LARGE1: variants seen among roughly 807,000 people sequenced by gnomAD.
The protein encoded by LARGE1 is LARGE xylosyl- and glucuronyltransferase 1.
A neutral mutation model predicts 87.6 loss-of-function variants in LARGE1; 43 were observed. The ratio of observed to expected loss-of-function variants is 0.49; its 90% confidence interval spans 0.38 to 0.63. LARGE1 has a LOEUF of 0.63. Among genes scored for constraint, LARGE1 ranks in the 30% least tolerant of loss-of-function variants. The pLI is 0.00. For missense variants in LARGE1, 802 were observed against 1,000.2 expected (o/e 0.80, Z 2.67); for synonymous variants, 434 against 394.6 (o/e 1.10, Z -1.18).
intron 5 of LARGE1, among the ~76,000 whole-genome samples, chr22:33,598,376 G>A (rs894644086): frequency 6.6e-6 from 1 of 152,120 alleles, no homozygotes; most frequent in Non-Finnish European, 1.5e-5. Flanking sequence ...TGAAGTAAAT[G>A]ATTCTTTATT....
chr22:33,193,347 A>G (rs7285196), intron 11 of LARGE1, among the ~76,000 whole-genome samples: 34,895 of 152,154 alleles, frequency 0.23, 4,235 homozygotes, highest in Middle Eastern at 0.35. Flanking sequence ...GAGAAAAGCA[A>G]AAAGAGAGAC....
At chr22:33,711,266 A>T (rs535639754) in intron 2 of LARGE1, among the ~76,000 whole-genome samples, 1 of 152,302 alleles carries the variant, frequency 6.6e-6, no homozygotes, top group African/African-American at 2.4e-5. Flanking sequence ...CGAAGCGTCC[A>T]GGGGGTCTGC....
chr22:33,594,421 A>T (rs1364573622), intron 5 of LARGE1, among the ~76,000 whole-genome samples: 1 of 151,792 alleles, frequency 6.6e-6, no homozygotes, highest in Non-Finnish European at 1.5e-5. Flanking sequence ...TCACTCCTCA[A>T]CTCTAGCCTT....
intron 11 of LARGE1, among the ~76,000 whole-genome samples, chr22:33,197,877 T>C (rs986622952): frequency 1.4e-4 from 21 of 151,260 alleles, no homozygotes; most frequent in African/African-American, 4.9e-4. Flanking sequence ...ACTATAACTC[T>C]ATAGCAATCA....
chr22:33,540,164 T>C (rs992957315), intron 6 of LARGE1, among the ~76,000 whole-genome samples: 2 of 152,134 alleles, frequency 1.3e-5, no homozygotes, highest in Admixed American at 1.3e-4. Flanking sequence ...AGTAACCACA[T>C]TGCCAACTAC....
intron 6 of LARGE1, among the ~76,000 whole-genome samples, chr22:33,440,098 A>G (rs1247695975): frequency 6.6e-6 from 1 of 152,178 alleles, no homozygotes; most frequent in Non-Finnish European, 1.5e-5. Flanking sequence ...AGCCACAGAA[A>G]TGTTTTGAAA....
At chr22:33,535,403 T>C (rs978615626) in intron 6 of LARGE1, among the ~76,000 whole-genome samples, 26 of 151,878 alleles carry the variant, frequency 1.7e-4, no homozygotes, top group African/African-American at 5.8e-4. Context: ...ATTTGCTGGA[T>C]GTGGTGGCAG....
intron 10 of LARGE1, chr22:33,320,856 G>C (rs1469025947): frequency 6.6e-6 from 1 of 152,256 alleles, no homozygotes; most frequent in African/African-American, 2.4e-5. Context: ...CAGAGCCCCC[G>C]GTGAGTCACT....
At chr22:33,705,272 A>C (rs2082527631) in intron 2 of LARGE1, among the ~76,000 whole-genome samples, 1 of 152,156 alleles carries the variant, frequency 6.6e-6, no homozygotes, top group African/African-American at 2.4e-5. Context: ...ATTCTTGCAG[A>C]GTCTGTTCCA....
intron 6 of LARGE1, among the ~76,000 whole-genome samples, chr22:33,464,905 ACATACACATG>A (rs2068536820): frequency 1.4e-5 from 2 of 141,236 alleles, no homozygotes; most frequent in African/African-American, 6.3e-5. Context: ...ACACACACAC[ACATACACATG>A]CACACATACA....
At chr22:33,371,716 G>A (rs1268629908) in intron 9 of LARGE1, among the ~76,000 whole-genome samples, 2 of 152,196 alleles carry the variant, frequency 1.3e-5, no homozygotes, top group Admixed American at 1.3e-4. Flanking sequence ...CGGGCGCGGT[G>A]GCTCACGCCT....
chr22:33,493,966 G>A (rs909795633), intron 6 of LARGE1, among the ~76,000 whole-genome samples: 4 of 152,240 alleles, frequency 2.6e-5, no homozygotes, highest in African/African-American at 9.6e-5. Flanking sequence ...GTACGCAGCA[G>A]TTGCTCAATC....
At chr22:33,475,464 T>G (rs1159017096) in intron 6 of LARGE1, among the ~76,000 whole-genome samples, 3 of 150,038 alleles carry the variant, frequency 2.0e-5, no homozygotes, top group Non-Finnish European at 3.0e-5. Flanking sequence ...ATTTATTTAT[T>G]TATTTATTTA....
chr22:33,377,753 T>C (rs2065033647), intron 9 of LARGE1, among the ~76,000 whole-genome samples: 1 of 152,210 alleles, frequency 6.6e-6, no homozygotes, highest in African/African-American at 2.4e-5. Flanking sequence ...AGTTTTTCTA[T>C]CTCTTTTCAT....
chr22:33,338,848 G>A (rs926799829), intron 9 of LARGE1, among the ~76,000 whole-genome samples: 1 of 152,176 alleles, frequency 6.6e-6, no homozygotes, highest in Admixed American at 6.5e-5. Context: ...ATGGAGAGAC[G>A]ATCAAGAATA....
At chr22:33,277,319 G>A (rs952516133) in intron 13 of LARGE1, 64 bp from the exon 14 acceptor site, 23 of 1,467,936 alleles carry the variant, frequency 1.6e-5, no homozygotes, top group African/African-American at 9.7e-5. Context: ...AAATGCAGCC[G>A]ATGTGGAGGA....
rs148558419 is a variant in LARGE1, at chr22:33,822,370, T to G, written c.-82-60812A>C. The stretch of plus-strand genomic sequence containing the variant: ...AATGCACTGTTGTGCTGATCTCCCA[T>G]AGCTTAGAAATGCAAATGTAGCCCA... On this transcript the variant is annotated intron_variant, in intron 1 of 14. Transcript: ENST00000397394. Among the ~76,000 whole-genome samples the G allele has an allele frequency of 3.1e-4, 47 of 152,292 alleles. No individual in the cohort carries two copies. In the East Asian group the frequency reaches 8.9e-3, roughly 29 times the overall value.
exon 12 of LARGE1, chr22:33,164,562 G>A (rs2146120292): frequency 6.6e-6 from 1 of 151,730 alleles, no homozygotes; most frequent in African/African-American, 2.4e-5. Flanking sequence ...CTGTCACCCA[G>A]GCTGGAGTGC....
intron 1 of LARGE1, among the ~76,000 whole-genome samples, chr22:33,807,344 C>T (rs894132075): frequency 3.9e-5 from 6 of 152,296 alleles, no homozygotes; most frequent in African/African-American, 7.2e-5. Flanking sequence ...CATTCACTTT[C>T]GTAACCAGGT....
Sources: gnomAD v4.1 joint callset for allele counts (sites outside exome capture counted in the v4.1 genomes callset) on GRCh38, gnomAD v4.1.1 for gene constraint, MANE v1.5 for transcripts, NCBI Gene and HGNC (gene_info 2026-07-23, HGNC 2026-07-21) for gene names.